The following SFMBT2 variants were observed in gnomAD, a reference collection of about 807,000 sequenced individuals.
SFMBT2 encodes the protein Scm like with four mbt domains 2, also known as scm-like with four MBT domains protein 2.
Under a neutral mutation model 110.1 loss-of-function variants are expected in SFMBT2, and 38 were observed. The ratio of observed to expected loss-of-function variants is 0.35; its 90% CI spans 0.27 to 0.45. SFMBT2 has a LOEUF of 0.45. Ranked by LOEUF, SFMBT2 falls within the 20% of genes least tolerant of loss-of-function variation. The pLI, the probability that SFMBT2 is intolerant of heterozygous loss-of-function variation, is 1.00. For missense variants in SFMBT2, 1,011 were observed against 1,094.9 expected, an observed-to-expected ratio of 0.92 and a Z score of 1.08; for synonymous variants, 425 against 425.4, an observed-to-expected ratio of 1.00 and a Z score of 0.01.
chr10:7,210,117 C>G (rs73615407), intron 11 of SFMBT2, among the ~76,000 whole-genome samples: 2 of 152,184 alleles, frequency 1.3e-5, no homozygotes, highest in African/African-American at 2.4e-5. Flanking sequence ...CTTGCTACCC[C>G]CTTGTCCCCG....
At chr10:7,178,555 C>T (rs746904470) in intron 16 of SFMBT2, among the ~76,000 whole-genome samples, 14 of 152,260 alleles carry the variant, frequency 9.2e-5, no homozygotes, top group Non-Finnish European at 1.3e-4. Context: ...TTAAGCTCCT[C>T]GCATCCCTCC....
intron 7 of SFMBT2, among the ~76,000 whole-genome samples, chr10:7,275,583 G>A (rs1358806526): frequency 6.6e-6 from 1 of 152,132 alleles, no homozygotes; most frequent in Non-Finnish European, 1.5e-5. Flanking sequence ...ACAACTGTCG[G>A]CTTCACTGTC....
intron 14 of SFMBT2, chr10:7,198,282 C>T: frequency 3.1e-6 from 1 of 322,730 alleles, no homozygotes; most frequent in South Asian, 1.2e-4. Context: ...ATTAATGTAG[C>T]ATCATTTAGC....
chr10:7,260,886 A>C (rs1841174362), intron 7 of SFMBT2, among the ~76,000 whole-genome samples: 1 of 151,962 alleles, frequency 6.6e-6, no homozygotes. Flanking sequence ...CTCAGAATTC[A>C]TTTTCTGGTT....
intron 1 of SFMBT2, among the ~76,000 whole-genome samples, chr10:7,398,787 C>A (rs1004750811): frequency 1.2e-4 from 19 of 152,246 alleles, no homozygotes; most frequent in Admixed American, 4.6e-4. Flanking sequence ...GCTAAGTAAA[C>A]CTTATATTCC....
chr10:7,213,644 G>A (rs1839430530), intron 11 of SFMBT2, among the ~76,000 whole-genome samples: 1 of 152,244 alleles, frequency 6.6e-6, no homozygotes, highest in Admixed American at 6.5e-5. Context: ...CTGCCACGTG[G>A]AGATGTTTTG....
chr10:7,193,539 C>T (rs997245261), intron 15 of SFMBT2, among the ~76,000 whole-genome samples: 2 of 151,240 alleles, frequency 1.3e-5, no homozygotes, highest in African/African-American at 4.9e-5. Context: ...AGAGTCGTTT[C>T]TGCCAGGAGC....
intron 4 of SFMBT2, among the ~76,000 whole-genome samples, chr10:7,319,968 AAGACAGAGAGACAC>A (rs1228016282): frequency 6.9e-6 from 1 of 145,604 alleles, no homozygotes; most frequent in East Asian, 2.1e-4. Flanking sequence ...GAGAGAGATG[AAGACAGAGAGACAC>A]AGAGAGAGAG....
chr10:7,302,259 C>A (rs747396645), intron 4 of SFMBT2, among the ~76,000 whole-genome samples: 44 of 152,190 alleles, frequency 2.9e-4, no homozygotes, highest in Non-Finnish European at 4.7e-4. Context: ...ACAAGGCACC[C>A]TCCCTCTTCT....
chr10:7,357,466 C>T (rs973274096), intron 4 of SFMBT2, among the ~76,000 whole-genome samples: 1 of 152,176 alleles, frequency 6.6e-6, no homozygotes, highest in African/African-American at 2.4e-5. Flanking sequence ...AGGCAGCCTT[C>T]GGACTTCATC....
chr10:7,298,437 C>G (rs764359600), intron 4 of SFMBT2, among the ~76,000 whole-genome samples: 1 of 152,212 alleles, frequency 6.6e-6, no homozygotes, highest in Non-Finnish European at 1.5e-5. Flanking sequence ...ACAGCCAGGC[C>G]AGTTCCCTAG....
At chr10:7,319,946 CTG>C (rs1433146379) in intron 4 of SFMBT2, among the ~76,000 whole-genome samples, 5 of 133,672 alleles carry the variant, frequency 3.7e-5, no homozygotes. Flanking sequence ...GACACAGAGA[CTG>C]AGAGAGACAG....
At chr10:7,394,085 C>T (rs1413267866) in intron 1 of SFMBT2, among the ~76,000 whole-genome samples, 1 of 151,998 alleles carries the variant, frequency 6.6e-6, no homozygotes, top group Non-Finnish European at 1.5e-5. Flanking sequence ...TCACTGCCTC[C>T]GCCTCCCGGG....
rs369479041 is a variant in SFMBT2, at chr10:7,349,440, C to CTTTTTTTTTTTTTTTTTTTTTTTTT, written c.436+18184_436+18208dup. On this transcript the variant is annotated intron_variant, in intron 4 of 20. Transcript: ENST00000397167. The stretch of plus-strand genomic sequence containing the variant: ...CCCTGACTCTTTTTTCTTTTCTTTT[C>CTTTTTTTTTTTTTTTTTTTTTTTTT]TTTTTTTTTTTTTTTTTTTTTTTTT... 5.3e-4 allele frequency among the ~76,000 whole-genome samples: 25 copies of CTTTTTTTTTTTTTTTTTTTTTTTTT among 46,892 alleles called. 6 individuals are homozygous for CTTTTTTTTTTTTTTTTTTTTTTTTT. Among genetic ancestry groups the CTTTTTTTTTTTTTTTTTTTTTTTTT allele is most frequent in the African/African-American group, 1.2e-3 (13 of 10,988 alleles). 30.8% of individuals were successfully genotyped at this position (46,892 alleles called of 152,430 possible). A position where few individuals can be genotyped will look rare whatever the true frequency, so the allele number is the denominator to read the frequency against.
At chr10:7,245,376 A>T (rs984811596) in intron 8 of SFMBT2, among the ~76,000 whole-genome samples, 2 of 152,244 alleles carry the variant, frequency 1.3e-5, no homozygotes, top group Non-Finnish European at 2.9e-5. Flanking sequence ...ATACGTATAT[A>T]AAGAGCATGT....
chr10:7,221,806 T>C (rs1472818090), intron 10 of SFMBT2, among the ~76,000 whole-genome samples: 2 of 152,198 alleles, frequency 1.3e-5, no homozygotes, highest in Non-Finnish European at 1.5e-5. Context: ...TTGGGTATAC[T>C]GTTCTCCGAG....
chr10:7,337,094 A>G (rs1457010301), intron 4 of SFMBT2, among the ~76,000 whole-genome samples: 2 of 152,216 alleles, frequency 1.3e-5, no homozygotes, highest in African/African-American at 2.4e-5. Flanking sequence ...CTGACTTAAT[A>G]TGTACAGTGA....
At chr10:7,222,145 C>A (rs1230937576) in intron 10 of SFMBT2, among the ~76,000 whole-genome samples, 1 of 152,168 alleles carries the variant, frequency 6.6e-6, no homozygotes, top group Admixed American at 6.5e-5. Context: ...TAGTATAATA[C>A]ACTGAGATTC....
intron 15 of SFMBT2, among the ~76,000 whole-genome samples, chr10:7,190,076 C>A (rs1051336835): frequency 5.3e-5 from 8 of 152,188 alleles, no homozygotes; most frequent in Non-Finnish European, 1.0e-4. Flanking sequence ...CCGGCGACGG[C>A]CTTTTCTCTG....
Sources: gnomAD v4.1 joint callset for allele counts (sites outside exome capture counted in the v4.1 genomes callset) on GRCh38, gnomAD v4.1.1 for gene constraint, MANE v1.5 for transcripts, NCBI Gene and HGNC (gene_info 2026-07-23, HGNC 2026-07-21) for gene names.